ANK2: variants seen among roughly 807,000 people sequenced by gnomAD.
The protein encoded by ANK2 is ankyrin-2.
Under a neutral mutation model 360.5 loss-of-function variants are expected in ANK2, and 83 were observed. That is an observed-to-expected ratio of 0.23 (90% CI 0.19 to 0.28). ANK2 has a LOEUF of 0.28. ANK2 is among the 10% of genes least tolerant of loss of function. The probability of loss-of-function intolerance (pLI) is 1.00; values close to 1 mark genes in which losing one functional copy is unlikely to be tolerated. For synonymous variants in ANK2, 1,740 were observed against 1,759.5 expected, an observed-to-expected ratio of 0.99 and a Z score of 0.28; for missense variants, 4,201 against 4,795.7, an observed-to-expected ratio of 0.88 and a Z score of 3.66.
chr4:113,132,142 A>G (rs1262604973), intron 1 of ANK2, among the ~76,000 whole-genome samples: 1 of 151,984 alleles, frequency 6.6e-6, no homozygotes, highest in African/African-American at 2.4e-5. Context: ...TTAGAGGTTT[A>G]TTTTTTCTAA....
rs1010358054 is a variant in ANK2 at position 112,964,212 on chromosome 4, GC to G, written c.21+59699del. On this transcript the variant is annotated intron_variant, in intron 2 of 30. Transcript: ENST00000503271. ...AAAAGTGAGGCATCTATCCCCTCAAGCGTTTATCCTTTGTGTCACAAACAAT... is the reference window on the plus strand; with the variant it reads ...AAAAGTGAGGCATCTATCCCCTCAAGGTTTATCCTTTGTGTCACAAACAAT... 1.8e-4 allele frequency among the ~76,000 whole-genome samples: 27 copies of G among 149,822 alleles called. No homozygotes were observed. In the Middle Eastern group the frequency reaches 0.01, roughly 57 times the overall value.
At chr4:112,947,603 G>A (rs1294233759) in intron 2 of ANK2, among the ~76,000 whole-genome samples, 1 of 151,016 alleles carries the variant, frequency 6.6e-6, no homozygotes, top group Admixed American at 6.6e-5. Flanking sequence ...CTAGGGGGAA[G>A]CAGCAGAAAG....
chr4:112,927,508 G>T (rs1332532302), intron 2 of ANK2, among the ~76,000 whole-genome samples: 2 of 152,060 alleles, frequency 1.3e-5, no homozygotes, highest in Admixed American at 6.6e-5. Flanking sequence ...TATTCCCTTT[G>T]CTCATTGTTG....
At chr4:113,170,577 C>T (rs760125618) in intron 1 of ANK2, among the ~76,000 whole-genome samples, 10 of 152,092 alleles carry the variant, frequency 6.6e-5, no homozygotes, top group South Asian at 2.1e-4. Context: ...ATTATTGAAA[C>T]GTAAGCACAG....
intron 1 of ANK2, among the ~76,000 whole-genome samples, chr4:112,862,875 C>G (rs1410435001): frequency 6.6e-6 from 1 of 151,418 alleles, no homozygotes; most frequent in Non-Finnish European, 1.5e-5. Flanking sequence ...CATAGCAAGA[C>G]TCTCTCTCTT....
chr4:113,231,932 G>A (rs1163058731), intron 4 of ANK2, among the ~76,000 whole-genome samples: 1 of 152,178 alleles, frequency 6.6e-6, no homozygotes, highest in Non-Finnish European at 1.5e-5. Flanking sequence ...GTTAGCTGAC[G>A]AGAAATGTGA....
intron 2 of ANK2, among the ~76,000 whole-genome samples, chr4:112,968,679 C>G (rs998047319): frequency 2.0e-5 from 3 of 152,126 alleles, no homozygotes; most frequent in African/African-American, 7.2e-5. Flanking sequence ...GCTTTTACTA[C>G]AATGTGAGGG....
In ANK2 at chr4:113,189,789, A is replaced by G. The variant is rs567092596; in HGVS notation, c.187-6579A>G. On this transcript the variant is annotated intron_variant, in intron 2 of 45. Coordinates refer to ENST00000357077, the MANE Select transcript of ANK2 (RefSeq NM_001148.6). ...CATCTCCACTTCTGGCTGTCTCACT[A>G]GAGAATTCTCTTGTTTCATGGTACA... 1.4e-4 allele frequency among the ~76,000 whole-genome samples: 22 copies of G among 152,150 alleles called. No individual in the cohort carries two copies. In the South Asian group the frequency reaches 4.4e-3, roughly 30 times the overall value.
rs1489947974 is a variant in ANK2 at position 113,021,541 on chromosome 4, C to CACACACACACACACATATAT, written c.21+117028_21+117029insCACACACACACACATATATA. ...ATACACACACACACCCACACACAAA[C>CACACACACACACACATATAT]ATATATATATATATATATATATATA... On this transcript the variant is annotated intron_variant, in intron 2 of 30. Coordinates refer to the ANK2 transcript ENST00000503271. 2.4e-3 allele frequency among the ~76,000 whole-genome samples: 233 copies of CACACACACACACACATATAT among 95,628 alleles called. 5 individuals are homozygous for CACACACACACACACATATAT. Among genetic ancestry groups the CACACACACACACACATATAT allele is most frequent in the South Asian group, 3.1e-3 (10 of 3,276 alleles). The allele number at this position is 95,628 out of a possible 152,430, so 62.7% of individuals were successfully genotyped here. A position where few individuals can be genotyped will look rare whatever the true frequency, so the allele number is the denominator to read the frequency against.
chr4:113,260,274 T>G (rs1169214851), intron 13 of ANK2, among the ~76,000 whole-genome samples: 1 of 152,210 alleles, frequency 6.6e-6, no homozygotes, highest in East Asian at 1.9e-4. Flanking sequence ...ATGGGGTACA[T>G]GTATATTTTC....
chr4:112,828,880 G>A (rs963964429), intron 1 of ANK2, among the ~76,000 whole-genome samples: 1 of 152,236 alleles, frequency 6.6e-6, no homozygotes, highest in African/African-American at 2.4e-5. Context: ...GAGGCTGGGT[G>A]TGGTGGTTCA....
At chr4:112,990,989 T>C (rs551742871) in intron 2 of ANK2, among the ~76,000 whole-genome samples, 22 of 152,142 alleles carry the variant, frequency 1.4e-4, no homozygotes, top group Non-Finnish European at 2.1e-4. Context: ...CAGTGGTTCA[T>C]GCCTGTAATC....
the ANK2 span, among the ~76,000 whole-genome samples, chr4:112,770,293 T>C: frequency 2.3e-3 from 350 of 152,296 alleles, 1 homozygote; most frequent in Middle Eastern, 6.8e-3. Context: ...CCTCCCAGGG[T>C]GTGCCACAGT....
intron 1 of ANK2, among the ~76,000 whole-genome samples, chr4:113,158,268 C>T (rs2097374639): frequency 6.6e-6 from 1 of 152,148 alleles, no homozygotes; most frequent in Non-Finnish European, 1.5e-5. Context: ...TTGCTCAATG[C>T]ACCTTTTAGC....
chr4:113,155,626 A>G (rs1462354487), intron 1 of ANK2, among the ~76,000 whole-genome samples: 1 of 152,148 alleles, frequency 6.6e-6, no homozygotes, highest in East Asian at 1.9e-4. Context: ...AGAAAATGAG[A>G]AATATTTCAT....
intron 1 of ANK2, among the ~76,000 whole-genome samples, chr4:112,873,236 C>T (rs1463653513): frequency 6.6e-6 from 1 of 150,984 alleles, no homozygotes; most frequent in East Asian, 1.9e-4. Flanking sequence ...TTTATTATTT[C>T]CTTCCTTCTG....
At chr4:113,000,243 T>G (rs2050135368) in intron 2 of ANK2, among the ~76,000 whole-genome samples, 1 of 152,246 alleles carries the variant, frequency 6.6e-6, no homozygotes, top group Non-Finnish European at 1.5e-5. Flanking sequence ...CAGACTCATC[T>G]TGGTGCCAGC....
At chr4:112,708,021 T>C in the ANK2 span, among the ~76,000 whole-genome samples, 1 of 152,336 alleles carries the variant, frequency 6.6e-6, no homozygotes, top group South Asian at 2.1e-4. Context: ...AATAGGTTGC[T>C]GGAATTATTG....
At chr4:113,257,558 A>G (rs996095352) in intron 11 of ANK2, among the ~76,000 whole-genome samples, 2 of 152,242 alleles carry the variant, frequency 1.3e-5, no homozygotes, top group African/African-American at 2.4e-5. Context: ...TATGCCCTTT[A>G]TAAAGAAAGT....
Sources: allele counts gnomAD v4.1 joint callset (sites outside exome capture counted in the v4.1 genomes callset), GRCh38; gene constraint gnomAD v4.1.1; transcripts MANE v1.5; gene names NCBI Gene and HGNC (gene_info 2026-07-23, HGNC 2026-07-21).